Variants in SGCZ observed in about 807,000 individuals in gnomAD.
SGCZ encodes zeta-sarcoglycan.
A neutral mutation model predicts 41.3 loss-of-function variants in SGCZ; 40 were observed. The ratio of observed to expected loss-of-function variants is 0.97; its 90% CI spans 0.75 to 1.26. The LOEUF (loss-of-function observed/expected upper bound fraction) is 1.26, where lower values mean the gene tolerates loss of function less well. Ranked by LOEUF, SGCZ falls within the 50% of genes most tolerant of loss-of-function variation. The pLI is 0.00. For missense variants in SGCZ, 552 were observed against 369.8 expected (o/e 1.49, Z -4.04); for synonymous variants, 206 against 137.5 (o/e 1.50, Z -3.49).
intron 3 of SGCZ, among the ~76,000 whole-genome samples, chr8:14,273,655 T>A (rs1179903001): frequency 1.3e-5 from 2 of 152,162 alleles, no homozygotes; most frequent in African/African-American, 4.8e-5. Flanking sequence ...TCCAAAGGTC[T>A]GGGATAACAT....
At chr8:14,175,742 C>T (rs928483640) in intron 4 of SGCZ, among the ~76,000 whole-genome samples, 1 of 151,996 alleles carries the variant, frequency 6.6e-6, no homozygotes, top group Non-Finnish European at 1.5e-5. Context: ...ACTAATTACA[C>T]TAAATACAAA....
chr8:14,902,064 AAC>A (rs1473210658), intron 1 of SGCZ, among the ~76,000 whole-genome samples: 1 of 152,102 alleles, frequency 6.6e-6, no homozygotes, highest in African/African-American at 2.4e-5. Context: ...CTTTATTTCA[AAC>A]TATTTGGCTC....
rs755371459 is a variant in SGCZ, at chr8:14,087,971, T to TGTAA, written c.*2468_*2471dup. On this transcript the variant is annotated 3_prime_UTR_variant, in exon 8 of 8. Coordinates refer to ENST00000382080, the MANE Select transcript of SGCZ (RefSeq NM_139167.4). Reference sequence around the variant, plus strand: ...GGATACAGTCTAAAGCTCTCAAGCTTGTAAGTTACTTTTGAATTATGTCTA... The same window carrying TGTAA: ...GGATACAGTCTAAAGCTCTCAAGCTTGTAAGTAAGTTACTTTTGAATTATGTCTA... 1.8e-4 allele frequency among the ~76,000 whole-genome samples: 27 copies of TGTAA among 151,942 alleles called. No individual in the cohort carries two copies. Among genetic ancestry groups the TGTAA allele is most frequent in the Non-Finnish European group, 3.2e-4 (22 of 67,816 alleles).
intron 1 of SGCZ, among the ~76,000 whole-genome samples, chr8:15,060,108 T>C (rs947905774): frequency 1.3e-5 from 2 of 152,060 alleles, no homozygotes; most frequent in Non-Finnish European, 2.9e-5. Flanking sequence ...GAAGTCAATG[T>C]GGTGTTTCCT....
intron 4 of SGCZ, among the ~76,000 whole-genome samples, chr8:14,199,055 A>G (rs1805370600): frequency 1.3e-5 from 2 of 152,200 alleles, no homozygotes; most frequent in Non-Finnish European, 2.9e-5. Context: ...GATAACAGCA[A>G]TGTTCAGGGA....
At chr8:14,531,244 C>A (rs1358248043) in intron 2 of SGCZ, among the ~76,000 whole-genome samples, 2 of 149,042 alleles carry the variant, frequency 1.3e-5, no homozygotes, top group African/African-American at 4.9e-5. Flanking sequence ...CCCATAAAAA[C>A]CCCAGATTCA....
chr8:15,050,484 C>T (rs138033289), intron 1 of SGCZ, among the ~76,000 whole-genome samples: 2 of 152,164 alleles, frequency 1.3e-5, no homozygotes, highest in East Asian at 3.9e-4. Context: ...TCTGGAGTTG[C>T]TTAGAGAAAG....
chr8:14,500,255 C>A lies in SGCZ; in HGVS notation c.234+54477G>T, dbSNP rs190848415. On this transcript the variant is annotated intron_variant, in intron 2 of 7. Transcript: ENST00000382080. ...AAAATCAGATGTAATGTAGTTTGAGCACGTGGAGTACCCTGCTTTTGTTGT... is the reference window on the plus strand; with the variant it reads ...AAAATCAGATGTAATGTAGTTTGAGAACGTGGAGTACCCTGCTTTTGTTGT... Among the ~76,000 whole-genome samples, 67 of 152,114 alleles carry A rather than the reference C, an allele frequency of 4.4e-4. 1 individual carries two copies. The East Asian group carries it at 0.011, about 26-fold the overall frequency.
At chr8:14,473,706 G>A (rs1397262004) in intron 2 of SGCZ, among the ~76,000 whole-genome samples, 2 of 152,116 alleles carry the variant, frequency 1.3e-5, no homozygotes, top group African/African-American at 4.8e-5. Context: ...GGGAGGTCGA[G>A]GTGGGTGGAT....
At chr8:14,507,791 G>A (rs1414910700) in intron 2 of SGCZ, among the ~76,000 whole-genome samples, 1 of 140,744 alleles carries the variant, frequency 7.1e-6, no homozygotes, top group African/African-American at 2.7e-5. Context: ...TTTTTTTCGA[G>A]ATGGAGTTTC....
At chr8:14,112,864 T>C (rs1802415845) in intron 5 of SGCZ, among the ~76,000 whole-genome samples, 2 of 152,142 alleles carry the variant, frequency 1.3e-5, no homozygotes, top group South Asian at 2.1e-4. Context: ...GAAATGAGTT[T>C]GCAACTCCAG....
At chr8:15,192,357 A>G (rs1800570649) in intron 1 of SGCZ, among the ~76,000 whole-genome samples, 1 of 152,138 alleles carries the variant, frequency 6.6e-6, no homozygotes, top group African/African-American at 2.4e-5. Context: ...TTCTTAAAAT[A>G]CACCTGAATT....
intron 2 of SGCZ, among the ~76,000 whole-genome samples, chr8:14,491,939 T>C (rs1801853596): frequency 6.6e-6 from 1 of 150,722 alleles, no homozygotes; most frequent in African/African-American, 2.4e-5. Context: ...TGCTAGCCAT[T>C]AGTTACTCAG....
chr8:14,188,824 GTT>G lies in SGCZ; in HGVS notation c.425-24124_425-24123del, dbSNP rs145555540. Reference sequence around the variant, plus strand: ...TTTTTTTTTGTTTGTTTGTTTCTTTGTTTTTTTTTGTTTGTTTGTTTTTTGAG... The same window carrying G: ...TTTTTTTTTGTTTGTTTGTTTCTTTGTTTTTTTGTTTGTTTGTTTTTTGAG... On this transcript the variant is annotated intron_variant, in intron 4 of 7. Coordinates refer to ENST00000382080, the MANE Select transcript of SGCZ (RefSeq NM_139167.4). Among the ~76,000 whole-genome samples, 70 of 62,372 alleles carry G rather than the reference GTT, an allele frequency of 1.1e-3. 2 individuals are homozygous for G. The East Asian group carries it at 0.013, about 11-fold the overall frequency. The allele number at this position is 62,372 out of a possible 152,430, so 40.9% of individuals were successfully genotyped here.
At position 14,086,874 on chromosome 8, in the gene SGCZ, G is replaced by A. The variant is rs186649545; in HGVS notation, c.*3569C>T. On this transcript the variant is annotated 3_prime_UTR_variant, in exon 8 of 8. Transcript: ENST00000382080. The stretch of plus-strand genomic sequence containing the variant: ...GCTACTTAACCTAAGATTTATGAGT[G>A]CTTCCTTAACTGAATCAGAAAAACT... Among the ~76,000 whole-genome samples, 1 of 151,718 alleles carries A rather than the reference G, an allele frequency of 6.6e-6. No homozygotes were observed. The highest frequency in any genetic ancestry group is 2.4e-5 in the African/African-American group (1 of 41,486).
intron 1 of SGCZ, among the ~76,000 whole-genome samples, chr8:14,819,457 A>G (rs754784971): frequency 2.6e-4 from 39 of 152,164 alleles, no homozygotes; most frequent in Non-Finnish European, 4.7e-4. Flanking sequence ...GTCCAATCAC[A>G]AGACTGGCCT....
At chr8:14,953,855 C>A (rs550403526) in intron 1 of SGCZ, among the ~76,000 whole-genome samples, 1 of 152,286 alleles carries the variant, frequency 6.6e-6, no homozygotes, top group African/African-American at 2.4e-5. Context: ...TTCTATAATT[C>A]TTGTAAACAC....
intron 3 of SGCZ, among the ~76,000 whole-genome samples, chr8:14,247,798 C>T (rs574059395): frequency 1.3e-5 from 2 of 152,286 alleles, no homozygotes; most frequent in East Asian, 1.9e-4. Flanking sequence ...ACTGTCTGTC[C>T]AGTCAGTATG....
At chr8:14,157,833 A>C (rs772518242) in intron 5 of SGCZ, among the ~76,000 whole-genome samples, 1 of 152,142 alleles carries the variant, frequency 6.6e-6, no homozygotes, top group Admixed American at 6.5e-5. Context: ...CTCACAGAAC[A>C]CTGAAGACAT....
Sources: allele counts gnomAD v4.1 joint callset (sites outside exome capture counted in the v4.1 genomes callset), GRCh38; gene constraint gnomAD v4.1.1; transcripts MANE v1.5; gene names NCBI Gene and HGNC (gene_info 2026-07-23, HGNC 2026-07-21).